Variants in PLCB1 observed in about 807,000 individuals in gnomAD.
PLCB1 encodes the protein phospholipase C beta 1.
A neutral mutation model predicts 161.8 loss-of-function variants in PLCB1; 46 were observed. The ratio of observed to expected loss-of-function variants is 0.28; its 90% CI spans 0.22 to 0.36. The LOEUF (loss-of-function observed/expected upper bound fraction) is 0.36, where lower values mean the gene tolerates loss of function less well. PLCB1 is among the 10% of genes least tolerant of loss of function. The pLI is 1.00. For synonymous variants in PLCB1, 517 were observed against 503.7 expected (o/e 1.03, Z -0.35); for missense variants, 1,016 against 1,472.5 (o/e 0.69, Z 5.07).
At chr20:8,151,428 A>G (rs1226622951) in intron 2 of PLCB1, among the ~76,000 whole-genome samples, 1 of 152,184 alleles carries the variant, frequency 6.6e-6, no homozygotes, top group Non-Finnish European at 1.5e-5. Context: ...CACATCATTC[A>G]AAAGGTGAAT....
intron 3 of PLCB1, among the ~76,000 whole-genome samples, chr20:8,575,716 A>G (rs1431745300): frequency 6.6e-6 from 1 of 152,230 alleles, no homozygotes; most frequent in African/African-American, 2.4e-5. Context: ...GCTGGATTCA[A>G]CTTCAGCGTG....
chr20:8,634,310 A>G (rs557845673), intron 4 of PLCB1, among the ~76,000 whole-genome samples: 1 of 152,346 alleles, frequency 6.6e-6, no homozygotes, highest in South Asian at 2.1e-4. Context: ...TATAAAGTGA[A>G]CATTAGTCTT....
chr20:8,313,870 T>G (rs574554341), intron 2 of PLCB1, among the ~76,000 whole-genome samples: 2 of 152,348 alleles, frequency 1.3e-5, no homozygotes, highest in Admixed American at 1.3e-4. Context: ...TCTGTGTCAT[T>G]GTTCAAGTTT....
rs766642796 is a variant in PLCB1, at chr20:8,684,264, ATTTT to A, written c.863-666_863-663del. Among the ~76,000 whole-genome samples, 805 of 109,458 alleles carry A rather than the reference ATTTT, an allele frequency of 7.4e-3. 5 individuals are homozygous for A. The highest frequency in any genetic ancestry group is 0.011 in the Non-Finnish European group (582 of 52,658). The allele number at this position is 109,458 out of a possible 152,430, so 71.8% of individuals were successfully genotyped here. On this transcript the variant is annotated intron_variant, in intron 9 of 31. Coordinates refer to ENST00000338037, the MANE Select transcript of PLCB1 (RefSeq NM_015192.4). Reference sequence around the variant, plus strand: ...TATTTATTTATTTATTTATTTATTTATTTTTATTTTGAGAAGGAGTCTCGCTCTG... The same window carrying A: ...TATTTATTTATTTATTTATTTATTTATATTTTGAGAAGGAGTCTCGCTCTG...
chr20:8,584,743 T>C (rs891571058), intron 3 of PLCB1, among the ~76,000 whole-genome samples: 1 of 151,972 alleles, frequency 6.6e-6, no homozygotes, highest in Admixed American at 6.6e-5. Context: ...CAGGCTGGAG[T>C]GCAATGGCAC....
At chr20:8,417,046 CACACACACAT>C (rs1321123765) in intron 3 of PLCB1, among the ~76,000 whole-genome samples, 4 of 55,210 alleles carry the variant, frequency 7.2e-5, no homozygotes, top group African/African-American at 1.4e-4. Context: ...CACACACACA[CACACACACAT>C]ATATATATAT....
intron 31 of PLCB1, among the ~76,000 whole-genome samples, chr20:8,817,329 A>G (rs1181328893): frequency 3.9e-5 from 6 of 152,204 alleles, no homozygotes; most frequent in Non-Finnish European, 5.9e-5. Flanking sequence ...GAAGGTGTCT[A>G]TCAGTGTCAG....
chr20:8,875,507 A>G (rs969942409), intron 31 of PLCB1, among the ~76,000 whole-genome samples: 6 of 147,538 alleles, frequency 4.1e-5, no homozygotes, highest in Middle Eastern at 3.3e-3. Flanking sequence ...CATATAAAAT[A>G]TTTTTATATA....
chr20:8,148,966 T>A (rs1261192168), intron 1 of PLCB1, among the ~76,000 whole-genome samples: 1 of 152,146 alleles, frequency 6.6e-6, no homozygotes, highest in Non-Finnish European at 1.5e-5. Flanking sequence ...CATTTCAATT[T>A]GGGAAGATTT....
intron 4 of PLCB1, among the ~76,000 whole-genome samples, chr20:8,644,031 G>GA (rs1989053429): frequency 6.6e-6 from 1 of 152,142 alleles, no homozygotes; most frequent in East Asian, 1.9e-4. Context: ...TCCTAGCCGC[G>GA]AGTGATCTGC....
At chr20:8,254,835 C>T (rs1205871527) in intron 2 of PLCB1, among the ~76,000 whole-genome samples, 1 of 152,006 alleles carries the variant, frequency 6.6e-6, no homozygotes, top group Non-Finnish European at 1.5e-5. Context: ...TTCACTTTAT[C>T]TTGAATAATA....
At chr20:8,844,927 G>A (rs6086639) in intron 31 of PLCB1, among the ~76,000 whole-genome samples, 48,350 of 151,396 alleles carry the variant, frequency 0.32, 8,656 homozygotes, top group East Asian at 0.63. Context: ...TGGCTAACAT[G>A]GTGAAACCCC....
intron 3 of PLCB1, among the ~76,000 whole-genome samples, chr20:8,538,557 C>T (rs1003467541): frequency 2.0e-5 from 3 of 152,112 alleles, no homozygotes; most frequent in African/African-American, 4.8e-5. Flanking sequence ...CTATGTTGCC[C>T]ACCCTTGTCT....
chr20:8,710,212 G>C (rs1978922259), intron 12 of PLCB1, among the ~76,000 whole-genome samples: 1 of 152,154 alleles, frequency 6.6e-6, no homozygotes, highest in South Asian at 2.1e-4. Flanking sequence ...AGACAGAGTG[G>C]GAGCAGGTGT....
chr20:8,874,643 A>T (rs927655776), intron 31 of PLCB1, among the ~76,000 whole-genome samples: 3 of 151,998 alleles, frequency 2.0e-5, no homozygotes, highest in African/African-American at 7.2e-5. Flanking sequence ...TTTTCAAATG[A>T]CTCAGCAAAA....
At chr20:8,500,723 T>TA (rs1983371353) in intron 3 of PLCB1, among the ~76,000 whole-genome samples, 1 of 152,210 alleles carries the variant, frequency 6.6e-6, no homozygotes, top group African/African-American at 2.4e-5. Context: ...CATCCTTTAT[T>TA]AGTGATTACT....
intron 2 of PLCB1, among the ~76,000 whole-genome samples, chr20:8,196,688 C>T (rs1488909494): frequency 1.3e-5 from 2 of 150,024 alleles, no homozygotes; most frequent in African/African-American, 5.0e-5. Context: ...TTTAATTATA[C>T]TTTAAGTTCT....
At chr20:8,645,119 G>C (rs982219020) in intron 4 of PLCB1, among the ~76,000 whole-genome samples, 1 of 151,314 alleles carries the variant, frequency 6.6e-6, no homozygotes, top group African/African-American at 2.4e-5. Flanking sequence ...CTTGAAGGCA[G>C]CATGCTCGTT....
intron 31 of PLCB1, among the ~76,000 whole-genome samples, chr20:8,854,109 G>T (rs1986981943): frequency 6.6e-6 from 1 of 152,162 alleles, no homozygotes; most frequent in African/African-American, 2.4e-5. Context: ...ACTTTCCTGG[G>T]TAGGGAAGAT....
Sources: gnomAD v4.1 joint callset for allele counts (sites outside exome capture counted in the v4.1 genomes callset) on GRCh38, gnomAD v4.1.1 for gene constraint, MANE v1.5 for transcripts, NCBI Gene and HGNC (gene_info 2026-07-23, HGNC 2026-07-21) for gene names.